Variants in TXNRD3 observed in about 807,000 individuals in gnomAD.
TXNRD3 encodes the protein TXNRD3 neighbor gene protein.
TXNRD3 carries 68 observed loss-of-function variants against 78.2 expected under a neutral mutation model. The observed-to-expected ratio is 0.87, with a 90% CI of 0.72 to 1.06. TXNRD3 has a LOEUF of 1.06. TXNRD3 is among the 50% of genes least tolerant of loss of function. The pLI is 0.00. For missense variants in TXNRD3, 751 were observed against 809.5 expected (o/e 0.93, Z 0.88); for synonymous variants, 296 against 300.1 (o/e 0.99, Z 0.14).
chr3:126,627,695 T>C (rs965661337), intron 10 of TXNRD3, among the ~76,000 whole-genome samples: 6 of 152,198 alleles, frequency 3.9e-5, no homozygotes, highest in African/African-American at 9.6e-5. Flanking sequence ...GTCTTAAAAG[T>C]CCTTTGACTA....
rs146667134 is a variant in TXNRD3, at chr3:126,611,014, T to A, written c.1728+23A>T. The A allele has an allele frequency of 6.4e-4, 816 of 1,273,084 alleles. 5 individuals carry two copies. In the African/African-American group the frequency reaches 0.011, roughly 17 times the overall value. 78.9% of individuals were successfully genotyped at this position (1,273,084 alleles called of 1,614,324 possible). A position where few individuals can be genotyped will look rare whatever the true frequency, so the allele number is the denominator to read the frequency against. On this transcript the variant is annotated intron_variant, in intron 14 of 15. Transcript: ENST00000524230. ...GCTACATTTAAAAATCACAGCATTT[T>A]GGCTTCTAGTGGTATTACATACATG...
At chr3:126,617,776 G>A (rs1938351138) in intron 12 of TXNRD3, among the ~76,000 whole-genome samples, 1 of 152,166 alleles carries the variant, frequency 6.6e-6, no homozygotes, top group South Asian at 2.1e-4. Flanking sequence ...GGGAAAACAG[G>A]AAGTGAAACT....
At chr3:126,635,419 C>T (rs772205654) in intron 6 of TXNRD3, among the ~76,000 whole-genome samples, 4 of 152,136 alleles carry the variant, frequency 2.6e-5, no homozygotes, top group East Asian at 1.9e-4. Flanking sequence ...TTTGATATGC[C>T]AAATCAATGA....
In TXNRD3 at chr3:126,607,488, C is replaced by A. The variant is rs1938074664; in HGVS notation, c.*417G>T. 1 of 153,548 alleles carries A rather than the reference C, an allele frequency of 6.5e-6. No homozygotes were observed. The highest frequency in any genetic ancestry group is 1.5e-5 in the Non-Finnish European group (1 of 68,848). The allele number at this position is 153,548 out of a possible 1,614,324, so 9.5% of individuals were successfully genotyped here. A position where few individuals can be genotyped will look rare whatever the true frequency, so the allele number is the denominator to read the frequency against. ...AGGCCCACGCACTAGAAAACCACTA[C>A]TTTATAGCATTTCTTAACTGAAAAT... On this transcript the variant is annotated 3_prime_UTR_variant, in exon 16 of 16. Transcript: ENST00000524230.
intron 6 of TXNRD3, among the ~76,000 whole-genome samples, chr3:126,638,621 C>T (rs754029710): frequency 6.6e-6 from 1 of 152,036 alleles, no homozygotes; most frequent in Non-Finnish European, 1.5e-5. Flanking sequence ...ATAATCCAAG[C>T]TACTCGGGAG....
At chr3:126,617,737 A>G (rs2107612056) in intron 12 of TXNRD3, among the ~76,000 whole-genome samples, 1 of 152,362 alleles carries the variant, frequency 6.6e-6, no homozygotes, top group African/African-American at 2.4e-5. Context: ...AGCAGTCAGG[A>G]TGAGAAAGAA....
chr3:126,654,160 T>G (rs184677729), intron 1 of TXNRD3, among the ~76,000 whole-genome samples: 1 of 152,340 alleles, frequency 6.6e-6, no homozygotes, highest in Non-Finnish European at 1.5e-5. Flanking sequence ...TTTAAGAAAC[T>G]ATACACATCA....
chr3:126,619,385 G>T (rs886209369), intron 12 of TXNRD3, among the ~76,000 whole-genome samples: 1 of 152,124 alleles, frequency 6.6e-6, no homozygotes, highest in Non-Finnish European at 1.5e-5. Flanking sequence ...CCATAAAGAA[G>T]AATAAAATCT....
chr3:126,624,567 C>T (rs1382509721), intron 10 of TXNRD3, among the ~76,000 whole-genome samples: 1 of 152,048 alleles, frequency 6.6e-6, no homozygotes, highest in Middle Eastern at 3.2e-3. Context: ...ACTACAGGCG[C>T]CCGCCACCAT....
chr3:126,654,323 A>G (rs1933457393), intron 1 of TXNRD3, among the ~76,000 whole-genome samples: 1 of 152,226 alleles, frequency 6.6e-6, no homozygotes, highest in Non-Finnish European at 1.5e-5. Flanking sequence ...TGTACCTTAC[A>G]CGTAGGTTAT....
At chr3:126,624,376 C>T (rs1443035926) in intron 10 of TXNRD3, among the ~76,000 whole-genome samples, 2 of 151,844 alleles carry the variant, frequency 1.3e-5, no homozygotes, top group African/African-American at 2.4e-5. Flanking sequence ...GACAGACAAA[C>T]GGTCTATGAG....
At chr3:126,635,341 T>G (rs556644375) in intron 6 of TXNRD3, among the ~76,000 whole-genome samples, 2 of 152,294 alleles carry the variant, frequency 1.3e-5, no homozygotes, top group African/African-American at 4.8e-5. Flanking sequence ...TCCTAGGACC[T>G]GCCAAAAACT....
chr3:126,643,778 G>C (rs73197956), intron 5 of TXNRD3, among the ~76,000 whole-genome samples: 16 of 151,034 alleles, frequency 1.1e-4, no homozygotes, highest in Non-Finnish European at 2.9e-5. Context: ...CTATATTTCC[G>C]GGCTAGTCTG....
At chr3:126,626,187 A>T (rs1216827808) in intron 10 of TXNRD3, 1 of 152,242 alleles carries the variant, frequency 6.6e-6, no homozygotes, top group Non-Finnish European at 1.5e-5. Context: ...TAAAAGCTAA[A>T]ACTATAAAGC....
At chr3:126,652,106 G>A (rs1481562709) in intron 1 of TXNRD3, among the ~76,000 whole-genome samples, 1 of 152,152 alleles carries the variant, frequency 6.6e-6, no homozygotes, top group East Asian at 1.9e-4. Context: ...TCACGGTTCT[G>A]TAGACTCTAC....
intron 1 of TXNRD3, among the ~76,000 whole-genome samples, chr3:126,652,293 G>A (rs538761574): frequency 6.6e-6 from 1 of 152,222 alleles, no homozygotes; most frequent in South Asian, 2.1e-4. Flanking sequence ...TCACTATCAT[G>A]AGGACAGTAC....
intron 1 of TXNRD3, among the ~76,000 whole-genome samples, chr3:126,654,259 G>A (rs1251280166): frequency 2.0e-5 from 3 of 152,070 alleles, no homozygotes; most frequent in Non-Finnish European, 4.4e-5. Context: ...TGTCTTCCAC[G>A]TATCATTTTT....
intron 1 of TXNRD3, among the ~76,000 whole-genome samples, chr3:126,654,026 A>T (rs1246588940): frequency 1.5e-5 from 2 of 132,670 alleles, no homozygotes; most frequent in African/African-American, 2.6e-5. Flanking sequence ...GTAAAAATGT[A>T]AAAAAAAAAA....
chr3:126,623,852 CAAA>C (rs4021853), intron 10 of TXNRD3, among the ~76,000 whole-genome samples: 94 of 112,064 alleles, frequency 8.4e-4, no homozygotes, highest in Middle Eastern at 5.0e-3. Context: ...GAAACAAGGC[CAAA>C]AAAAAAAAAA....
Sources: gnomAD v4.1 joint callset for allele counts (sites outside exome capture counted in the v4.1 genomes callset) on GRCh38, gnomAD v4.1.1 for gene constraint, MANE v1.5 for transcripts, NCBI Gene and HGNC (gene_info 2026-07-23, HGNC 2026-07-21) for gene names.